The following NRG3 variants were observed in gnomAD, a reference collection of about 807,000 sequenced individuals.
NRG3 encodes the protein pro-neuregulin-3, membrane-bound isoform.
NRG3 carries 31 observed loss-of-function variants against 66.9 expected under a neutral mutation model. That is an observed-to-expected ratio of 0.46 (90% CI 0.35 to 0.63). The LOEUF is 0.63. Ranked by LOEUF, NRG3 falls within the 20% of genes least tolerant of loss-of-function variation. The pLI, the probability that NRG3 is intolerant of heterozygous loss-of-function variation, is 0.00. For synonymous variants in NRG3, 393 were observed against 359.4 expected (o/e 1.09, Z -1.06); for missense variants, 910 against 878.9 (o/e 1.04, Z -0.45).
At chr10:82,578,445 G>A (rs2046163972) in intron 2 of NRG3, among the ~76,000 whole-genome samples, 1 of 151,002 alleles carries the variant, frequency 6.6e-6, no homozygotes, top group Non-Finnish European at 1.5e-5. Flanking sequence ...AAACAAATAA[G>A]TATTGCTGTG....
chr10:82,388,609 C>A (rs1286354715), intron 2 of NRG3, among the ~76,000 whole-genome samples: 4 of 152,042 alleles, frequency 2.6e-5, no homozygotes, highest in African/African-American at 7.2e-5. Flanking sequence ...AACATCCTGG[C>A]CTCTAAATAT....
intron 2 of NRG3, among the ~76,000 whole-genome samples, chr10:82,538,269 T>C (rs2043296897): frequency 6.6e-6 from 1 of 152,192 alleles, no homozygotes; most frequent in South Asian, 2.1e-4. Flanking sequence ...GAATCTGTAG[T>C]GTCCTGGATT....
intron 2 of NRG3, among the ~76,000 whole-genome samples, chr10:82,532,208 A>G (rs1847336532): frequency 6.6e-6 from 1 of 151,672 alleles, no homozygotes; most frequent in African/African-American, 2.4e-5. Flanking sequence ...ATGTTGCCCT[A>G]TTATGCTACC....
chr10:82,150,962 C>A (rs1220904717), intron 1 of NRG3, among the ~76,000 whole-genome samples: 1 of 152,112 alleles, frequency 6.6e-6, no homozygotes, highest in Non-Finnish European at 1.5e-5. Context: ...AAAACTTGAG[C>A]CTTGTTAGGA....
At chr10:82,392,685 A>G (rs1424579453) in intron 2 of NRG3, among the ~76,000 whole-genome samples, 1 of 152,184 alleles carries the variant, frequency 6.6e-6, no homozygotes, top group Non-Finnish European at 1.5e-5. Flanking sequence ...TTTCAAGCTG[A>G]AAGCACTAAA....
At chr10:82,307,429 T>A (rs1049376673) in intron 1 of NRG3, among the ~76,000 whole-genome samples, 7 of 152,196 alleles carry the variant, frequency 4.6e-5, no homozygotes, top group African/African-American at 1.4e-4. Flanking sequence ...GTTCATATTT[T>A]TTTCATTGTG....
At chr10:82,212,467 G>A (rs554381915) in intron 1 of NRG3, among the ~76,000 whole-genome samples, 25 of 152,234 alleles carry the variant, frequency 1.6e-4, no homozygotes, top group Admixed American at 2.6e-4. Context: ...AAGTGCTTTC[G>A]CATAAGTTAA....
chr10:82,455,234 A>C (rs775602100), intron 2 of NRG3, among the ~76,000 whole-genome samples: 1 of 152,212 alleles, frequency 6.6e-6, no homozygotes, highest in Non-Finnish European at 1.5e-5. Context: ...GTAACGCATC[A>C]TTAAATGATT....
At chr10:82,915,685 T>C (rs532501046) in intron 4 of NRG3, among the ~76,000 whole-genome samples, 3 of 152,284 alleles carry the variant, frequency 2.0e-5, no homozygotes, top group African/African-American at 7.2e-5. Flanking sequence ...GCTAATCTGA[T>C]AGACCCATAT....
At chr10:82,491,926 C>A (rs1007318412) in intron 2 of NRG3, among the ~76,000 whole-genome samples, 6 of 152,336 alleles carry the variant, frequency 3.9e-5, no homozygotes, top group African/African-American at 1.4e-4. Context: ...TTTGGAATAA[C>A]AGGAAGAACT....
chr10:82,766,115 C>A (rs532489134), intron 3 of NRG3, among the ~76,000 whole-genome samples: 1 of 151,996 alleles, frequency 6.6e-6, no homozygotes, highest in Non-Finnish European at 1.5e-5. Flanking sequence ...GCAAAATGCT[C>A]GTGAAGAATT....
At chr10:82,362,676 T>G (rs2084264894) in intron 2 of NRG3, among the ~76,000 whole-genome samples, 1 of 151,598 alleles carries the variant, frequency 6.6e-6, no homozygotes, top group Non-Finnish European at 1.5e-5. Context: ...AGGTGTGAGT[T>G]ACTATGCCCA....
intron 2 of NRG3, among the ~76,000 whole-genome samples, chr10:82,387,436 T>C (rs917846167): frequency 1.3e-5 from 2 of 152,232 alleles, no homozygotes; most frequent in Non-Finnish European, 2.9e-5. Flanking sequence ...AGGTGACGCA[T>C]GGACCATTTC....
chr10:82,588,509 T>G (rs1192310719), intron 2 of NRG3, among the ~76,000 whole-genome samples: 1 of 152,006 alleles, frequency 6.6e-6, no homozygotes, highest in African/African-American at 2.4e-5. Flanking sequence ...GAACCTTTTT[T>G]TTTTCTTTTT....
intron 1 of NRG3, among the ~76,000 whole-genome samples, chr10:82,272,978 T>A (rs992826579): frequency 1.3e-5 from 2 of 152,102 alleles, no homozygotes; most frequent in Non-Finnish European, 1.5e-5. Flanking sequence ...ATCATCTGGT[T>A]GAATATTCTA....
chr10:82,741,751 G>C (rs909295518), intron 3 of NRG3, among the ~76,000 whole-genome samples: 4 of 152,024 alleles, frequency 2.6e-5, no homozygotes, highest in East Asian at 1.9e-4. Context: ...CAGGACCTGA[G>C]CTCCCAACTG....
intron 1 of NRG3, among the ~76,000 whole-genome samples, chr10:82,001,158 T>C (rs2061148366): frequency 6.6e-6 from 1 of 151,080 alleles, no homozygotes. Context: ...GGATTGTTGT[T>C]CGGGCTCATA....
intron 1 of NRG3, among the ~76,000 whole-genome samples, chr10:82,033,572 A>G (rs1448198101): frequency 6.6e-6 from 1 of 152,052 alleles, no homozygotes; most frequent in Non-Finnish European, 1.5e-5. Flanking sequence ...TTATTTTTGC[A>G]TAGTATTTGT....
chr10:82,951,341 C>A, intron 4 of NRG3, 128 bp from the exon 5 acceptor site: 1 of 630,608 alleles, frequency 1.6e-6, no homozygotes, highest in Non-Finnish European at 2.8e-6. Flanking sequence ...CTTGTTTTTT[C>A]CCTATTTATG....
Sources: gnomAD v4.1 joint callset for allele counts (sites outside exome capture counted in the v4.1 genomes callset) on GRCh38, gnomAD v4.1.1 for gene constraint, MANE v1.5 for transcripts, NCBI Gene and HGNC (gene_info 2026-07-23, HGNC 2026-07-21) for gene names.